GRID2: variants seen among roughly 807,000 people sequenced by gnomAD.
The protein encoded by GRID2 is glutamate receptor ionotropic, delta-2.
Under a neutral mutation model 114.8 loss-of-function variants are expected in GRID2, and 33 were observed. The ratio of observed to expected loss-of-function variants is 0.29; its 90% CI spans 0.22 to 0.38. The LOEUF (loss-of-function observed/expected upper bound fraction) is 0.38, where lower values mean the gene tolerates loss of function less well. Ranked by LOEUF, GRID2 falls within the 10% of genes least tolerant of loss-of-function variation. The pLI is 1.00. For missense variants in GRID2, 1,184 were observed against 1,257.7 expected, an observed-to-expected ratio of 0.94 and a Z score of 0.89; for synonymous variants, 505 against 449.9, an observed-to-expected ratio of 1.12 and a Z score of -1.55.
intron 13 of GRID2, among the ~76,000 whole-genome samples, chr4:93,562,052 C>T (rs868766715): frequency 1.3e-5 from 2 of 152,046 alleles, no homozygotes; most frequent in South Asian, 2.1e-4. Flanking sequence ...CCAAGGAGTG[C>T]AATTGCTGAA....
intron 14 of GRID2, among the ~76,000 whole-genome samples, chr4:93,650,416 C>T (rs1722485123): frequency 6.6e-6 from 1 of 151,954 alleles, no homozygotes; most frequent in Admixed American, 6.6e-5. Flanking sequence ...AAAAGTTGAG[C>T]AACCTCTGTC....
At chr4:92,334,142 C>T (rs185420498) in intron 1 of GRID2, among the ~76,000 whole-genome samples, 260 of 152,312 alleles carry the variant, frequency 1.7e-3, no homozygotes, top group African/African-American at 5.6e-3. Context: ...ATGGCCTTTA[C>T]TCCGTTTTGC....
intron 2 of GRID2, among the ~76,000 whole-genome samples, chr4:92,796,298 A>G (rs573841276): frequency 6.6e-6 from 1 of 152,076 alleles, no homozygotes; most frequent in South Asian, 2.1e-4. Context: ...GGCCTGGGAC[A>G]TTGTCCAATA....
chr4:92,597,878 T>A (rs991084368), intron 2 of GRID2, among the ~76,000 whole-genome samples: 3 of 152,172 alleles, frequency 2.0e-5, no homozygotes, highest in African/African-American at 7.2e-5. Flanking sequence ...ATAATTTAAG[T>A]TCATGTTGAC....
chr4:92,320,977 A>G (rs1726283825), intron 1 of GRID2, among the ~76,000 whole-genome samples: 1 of 152,192 alleles, frequency 6.6e-6, no homozygotes, highest in African/African-American at 2.4e-5. Flanking sequence ...TAAAATAAAA[A>G]GATAATTTTT....
At chr4:93,250,430 C>A (rs2149530223) in intron 8 of GRID2, among the ~76,000 whole-genome samples, 1 of 151,806 alleles carries the variant, frequency 6.6e-6, no homozygotes, top group South Asian at 2.1e-4. Flanking sequence ...ACCACCGTGG[C>A]ATGTGTATAC....
At chr4:92,647,308 A>AT (rs1050674603) in intron 2 of GRID2, among the ~76,000 whole-genome samples, 4 of 31,472 alleles carry the variant, frequency 1.3e-4, no homozygotes, top group South Asian at 8.3e-4. Flanking sequence ...CTATTGTAAG[A>AT]TTTTTTTTGT....
chr4:93,110,629 G>A, intron 3 of GRID2, 119 bp from the exon 4 acceptor site: 1 of 707,562 alleles, frequency 1.4e-6, no homozygotes. Context: ...TACTCAGTTG[G>A]TAATTTTAGA....
At chr4:92,449,040 TA>T (rs1224479731) in intron 1 of GRID2, among the ~76,000 whole-genome samples, 2 of 152,110 alleles carry the variant, frequency 1.3e-5, no homozygotes, top group Non-Finnish European at 2.9e-5. Context: ...TAAATATAAC[TA>T]GAAATTATCG....
intron 8 of GRID2, among the ~76,000 whole-genome samples, chr4:93,358,605 T>A (rs1761572380): frequency 6.6e-6 from 1 of 151,950 alleles, no homozygotes; most frequent in Non-Finnish European, 1.5e-5. Flanking sequence ...AATAAGAGAT[T>A]TTAAAAAAGA....
At chr4:93,431,485 T>C (rs1435404548) in intron 10 of GRID2, among the ~76,000 whole-genome samples, 1 of 152,118 alleles carries the variant, frequency 6.6e-6, no homozygotes, top group Non-Finnish European at 1.5e-5. Context: ...GTCAGAACTA[T>C]TTGAGATGTT....
At chr4:93,124,112 A>G (rs1329652636) in intron 4 of GRID2, among the ~76,000 whole-genome samples, 23 of 96,696 alleles carry the variant, frequency 2.4e-4, no homozygotes, top group Admixed American at 1.2e-4. Flanking sequence ...ATAATAAAAA[A>G]AAAAGAAAAA....
intron 2 of GRID2, among the ~76,000 whole-genome samples, chr4:92,847,383 G>T (rs1353597953): frequency 6.6e-6 from 1 of 151,838 alleles, no homozygotes; most frequent in Non-Finnish European, 1.5e-5. Context: ...TTTTTCTTGG[G>T]CTTCTTTGCC....
At chr4:93,562,200 T>C (rs1047754290) in intron 13 of GRID2, among the ~76,000 whole-genome samples, 3 of 152,060 alleles carry the variant, frequency 2.0e-5, no homozygotes, top group Non-Finnish European at 4.4e-5. Context: ...GTCAGAGTTT[T>C]TTTTTTTATT....
intron 4 of GRID2, among the ~76,000 whole-genome samples, chr4:93,128,103 T>C (rs1734472049): frequency 7.6e-6 from 1 of 131,314 alleles, no homozygotes; most frequent in South Asian, 2.5e-4. Flanking sequence ...ACAGTGAAAG[T>C]GAAAAAGTCA....
At chr4:93,039,234 C>T (rs544690061) in intron 2 of GRID2, among the ~76,000 whole-genome samples, 7 of 151,678 alleles carry the variant, frequency 4.6e-5, no homozygotes, top group East Asian at 3.9e-4. Flanking sequence ...AACCAAACAC[C>T]GCATGTTGTC....
chr4:92,475,114 T>TATA (rs71579560), intron 1 of GRID2, among the ~76,000 whole-genome samples: 11 of 132,684 alleles, frequency 8.3e-5, no homozygotes, highest in East Asian at 8.3e-4. Context: ...AAACTTAAAG[T>TATA]ATAATAATAA....
At chr4:92,384,169 T>C (rs1280691561) in intron 1 of GRID2, among the ~76,000 whole-genome samples, 3 of 150,820 alleles carry the variant, frequency 2.0e-5, no homozygotes, top group African/African-American at 7.3e-5. Flanking sequence ...GCGTGTGAAG[T>C]GGCTGTCAAG....
At chr4:93,507,847 T>C (rs1288071910) in intron 12 of GRID2, among the ~76,000 whole-genome samples, 1 of 152,222 alleles carries the variant, frequency 6.6e-6, no homozygotes, top group African/African-American at 2.4e-5. Context: ...TTATTTATTT[T>C]ACATATGTGG....
Sources: gnomAD v4.1 joint callset for allele counts (sites outside exome capture counted in the v4.1 genomes callset) on GRCh38, gnomAD v4.1.1 for gene constraint, MANE v1.5 for transcripts, NCBI Gene and HGNC (gene_info 2026-07-23, HGNC 2026-07-21) for gene names.